SKAP2: variants seen among roughly 807,000 people sequenced by gnomAD.
SKAP2 encodes src kinase-associated phosphoprotein 2.
Under a neutral mutation model 54.9 loss-of-function variants are expected in SKAP2, and 28 were observed. The observed-to-expected ratio is 0.51, with a 90% CI of 0.38 to 0.70. The LOEUF is 0.70. Ranked by LOEUF, SKAP2 falls within the 30% of genes least tolerant of loss-of-function variation. SKAP2 has a pLI of 0.00. For missense variants in SKAP2, 356 were observed against 424.1 expected (o/e 0.84, Z 1.41); for synonymous variants, 137 against 134.3 (o/e 1.02, Z -0.14).
chr7:26,655,843 T>G, the SKAP2 span, among the ~76,000 whole-genome samples: 2 of 152,208 alleles, frequency 1.3e-5, no homozygotes, highest in Non-Finnish European at 2.9e-5. Flanking sequence ...GGAGGAAACC[T>G]CTCTTCTTCT....
chr7:26,859,074 C>A (rs1785231380), intron 1 of SKAP2, among the ~76,000 whole-genome samples: 1 of 152,102 alleles, frequency 6.6e-6, no homozygotes. Context: ...GAATCTACCA[C>A]CATATGCTTA....
intron 9 of SKAP2, among the ~76,000 whole-genome samples, chr7:26,720,825 A>C (rs1231492584): frequency 6.6e-6 from 1 of 152,174 alleles, no homozygotes; most frequent in Non-Finnish European, 1.5e-5. Context: ...TGCCCCCATC[A>C]TTCAATTATC....
At chr7:26,807,908 G>A (rs978200603) in intron 4 of SKAP2, among the ~76,000 whole-genome samples, 2 of 152,126 alleles carry the variant, frequency 1.3e-5, no homozygotes, top group Admixed American at 1.3e-4. Flanking sequence ...TTAAATTAAG[G>A]TATGCACATT....
intron 4 of SKAP2, among the ~76,000 whole-genome samples, chr7:26,779,829 C>T (rs1399596289): frequency 1.3e-5 from 2 of 151,972 alleles, no homozygotes; most frequent in South Asian, 4.2e-4. Context: ...GACAGGAGAG[C>T]CTGTTATACA....
intron 4 of SKAP2, among the ~76,000 whole-genome samples, chr7:26,817,951 T>C (rs1784307091): frequency 6.6e-6 from 1 of 152,098 alleles, no homozygotes; most frequent in African/African-American, 2.4e-5. Context: ...CACAAACAGA[T>C]GGAAAAACAT....
At chr7:26,665,407 G>A (rs566298197), downstream of SKAP2, among the ~76,000 whole-genome samples, 27 of 152,234 alleles carry the variant, frequency 1.8e-4, no homozygotes, top group South Asian at 5.4e-3. Context: ...CTTGTTGATA[G>A]TATTATGGGA....
At chr7:26,707,371 AAG>A (rs1009969297) in intron 9 of SKAP2, among the ~76,000 whole-genome samples, 3 of 152,072 alleles carry the variant, frequency 2.0e-5, no homozygotes, top group African/African-American at 7.2e-5. Context: ...GAAAAAAAAA[AAG>A]AAGTAATTAA....
intron 3 of SKAP2, among the ~76,000 whole-genome samples, chr7:26,847,528 A>G (rs1784951098): frequency 6.6e-6 from 1 of 152,184 alleles, no homozygotes; most frequent in Non-Finnish European, 1.5e-5. Context: ...ACTTGCATTT[A>G]TGTAATACAA....
At chr7:26,824,604 T>C (rs924783634) in intron 4 of SKAP2, among the ~76,000 whole-genome samples, 3 of 152,218 alleles carry the variant, frequency 2.0e-5, no homozygotes, top group Non-Finnish European at 4.4e-5. Flanking sequence ...AATCCATCAG[T>C]GAGTTGTGTA....
chr7:26,670,358 T>C (rs933231866), intron 11 of SKAP2, among the ~76,000 whole-genome samples, 166 bp from the exon 12 acceptor site: 2 of 152,172 alleles, frequency 1.3e-5, no homozygotes, highest in African/African-American at 4.8e-5. Flanking sequence ...AAAATGCTGT[T>C]AGGCAACGAT....
rs374203530 is a variant in SKAP2 at position 26,833,068 on chromosome 7, G to A, written c.307+10962C>T. Among the ~76,000 whole-genome samples the A allele has an allele frequency of 4.6e-5, 7 of 152,234 alleles. No individual in the cohort carries two copies. In the South Asian group the frequency reaches 1.5e-3, roughly 32 times the overall value. On this transcript the variant is annotated intron_variant, in intron 4 of 12. Coordinates refer to ENST00000345317, the MANE Select transcript of SKAP2 (RefSeq NM_003930.5). ...AACCAAGAGAGAAGCTGAGCAGTGT[G>A]TCAGATAACTCTAGACTCCCTACCA...
intron 4 of SKAP2, among the ~76,000 whole-genome samples, chr7:26,792,203 G>A (rs1783685240): frequency 1.3e-5 from 2 of 152,192 alleles, no homozygotes; most frequent in Admixed American, 6.5e-5. Context: ...GCAGGGTACT[G>A]ATGGCAAAGG....
chr7:26,847,306 T>C (rs904792014), intron 3 of SKAP2, among the ~76,000 whole-genome samples: 1 of 152,126 alleles, frequency 6.6e-6, no homozygotes, highest in Non-Finnish European at 1.5e-5. Flanking sequence ...GTCTTCTTCA[T>C]CTTACCATTG....
chr7:26,825,878 T>C (rs1390056016), intron 4 of SKAP2, among the ~76,000 whole-genome samples: 2 of 152,172 alleles, frequency 1.3e-5, no homozygotes, highest in Non-Finnish European at 2.9e-5. Context: ...CAGCCTTTTA[T>C]TCTCTCTATA....
chr7:26,688,327 A>AAGATAT, intron 10 of SKAP2, among the ~76,000 whole-genome samples: 2 of 152,236 alleles, frequency 1.3e-5, no homozygotes, highest in Non-Finnish European at 2.9e-5. Flanking sequence ...TATAAGTTTG[A>AAGATAT]ACATGAAGGA....
intron 4 of SKAP2, among the ~76,000 whole-genome samples, chr7:26,815,075 C>T (rs1168490448): frequency 6.8e-6 from 1 of 148,022 alleles, no homozygotes; most frequent in Admixed American, 6.8e-5. Flanking sequence ...CACCTATCTA[C>T]AAAATAAAAC....
intron 9 of SKAP2, among the ~76,000 whole-genome samples, chr7:26,701,674 G>A (rs772213368): frequency 1.1e-4 from 16 of 152,168 alleles, no homozygotes; most frequent in African/African-American, 2.2e-4. Flanking sequence ...GCAGTGAGCT[G>A]AGATTGCCCC....
At chr7:26,863,257 G>A (rs1363921747) in intron 1 of SKAP2, among the ~76,000 whole-genome samples, 1 of 152,116 alleles carries the variant, frequency 6.6e-6, no homozygotes, top group Non-Finnish European at 1.5e-5. Flanking sequence ...TGCTATAGGA[G>A]TAACATATAA....
chr7:26,728,363 A>C (rs1006921242), intron 6 of SKAP2, among the ~76,000 whole-genome samples: 1 of 152,158 alleles, frequency 6.6e-6, no homozygotes, highest in Non-Finnish European at 1.5e-5. Context: ...CCCTTAGTAC[A>C]TTTACATAGT....
Sources: gnomAD v4.1 joint callset for allele counts (sites outside exome capture counted in the v4.1 genomes callset) on GRCh38, gnomAD v4.1.1 for gene constraint, MANE v1.5 for transcripts, NCBI Gene and HGNC (gene_info 2026-07-23, HGNC 2026-07-21) for gene names.